Variants in EPHA3 observed in about 807,000 individuals in gnomAD.
The protein encoded by EPHA3 is EPH receptor A3, also known as ephrin type-A receptor 3.
EPHA3 carries 42 observed loss-of-function variants against 107.1 expected under a neutral mutation model. That is an observed-to-expected ratio of 0.39 (90% confidence interval 0.31 to 0.51). EPHA3 has a LOEUF of 0.51. Ranked by LOEUF, EPHA3 falls within the 20% of genes least tolerant of loss-of-function variation. The probability of loss-of-function intolerance (pLI) is 0.78; values close to 1 mark genes in which losing one functional copy is unlikely to be tolerated. For synonymous variants in EPHA3, 461 were observed against 424.8 expected (o/e 1.09, Z -1.05); for missense variants, 1,183 against 1,211.2 (o/e 0.98, Z 0.35).
chr3:89,324,748 T>G (rs1290985100), intron 3 of EPHA3, among the ~76,000 whole-genome samples: 2 of 152,130 alleles, frequency 1.3e-5, no homozygotes, highest in Non-Finnish European at 2.9e-5. Flanking sequence ...TGTTCAGGTT[T>G]GTTATATGGC....
At chr3:89,474,327 G>T (rs749826999) in intron 16 of EPHA3, among the ~76,000 whole-genome samples, 1 of 152,150 alleles carries the variant, frequency 6.6e-6, no homozygotes, top group Non-Finnish European at 1.5e-5. Context: ...GTGGAATGTG[G>T]TGTTTATTGA....
chr3:89,108,975 C>T (rs971369767), intron 1 of EPHA3, among the ~76,000 whole-genome samples: 2 of 152,044 alleles, frequency 1.3e-5, no homozygotes, highest in Non-Finnish European at 2.9e-5. Flanking sequence ...AATATATTGT[C>T]AAGCCAATAC....
At chr3:89,150,926 T>C (rs1704676608) in intron 2 of EPHA3, among the ~76,000 whole-genome samples, 1 of 151,968 alleles carries the variant, frequency 6.6e-6, no homozygotes, top group Non-Finnish European at 1.5e-5. Flanking sequence ...CAGTGAGCTA[T>C]GGATCATGCC....
chr3:89,324,627 C>T (rs1011392054), intron 3 of EPHA3, among the ~76,000 whole-genome samples: 9 of 151,944 alleles, frequency 5.9e-5, no homozygotes, highest in African/African-American at 2.2e-4. Context: ...TATACATACA[C>T]ACTGTGAAAT....
chr3:89,290,630 G>T (rs2107328408), intron 3 of EPHA3, among the ~76,000 whole-genome samples: 1 of 152,212 alleles, frequency 6.6e-6, no homozygotes, highest in African/African-American at 2.4e-5. Flanking sequence ...GTATCTTATT[G>T]CAAAGGAGGT....
chr3:89,337,372 C>A (rs1207407003), intron 3 of EPHA3, among the ~76,000 whole-genome samples: 3 of 152,138 alleles, frequency 2.0e-5, no homozygotes, highest in Non-Finnish European at 4.4e-5. Context: ...GCATGCTGTC[C>A]TTTCCATTGG....
intron 5 of EPHA3, among the ~76,000 whole-genome samples, chr3:89,383,378 A>G (rs550549611): frequency 1.3e-5 from 2 of 152,316 alleles, no homozygotes; most frequent in South Asian, 2.1e-4. Flanking sequence ...GGGTGGGCAA[A>G]TATCAATCCT....
At chr3:89,108,132 C>G (rs147556310) in intron 1 of EPHA3, among the ~76,000 whole-genome samples, 1 of 152,232 alleles carries the variant, frequency 6.6e-6, no homozygotes, top group East Asian at 1.9e-4. Context: ...AGCGTTGCAA[C>G]CCAGTTATGT....
chr3:89,191,669 T>C (rs1280448440), intron 2 of EPHA3, among the ~76,000 whole-genome samples: 2 of 152,326 alleles, frequency 1.3e-5, no homozygotes, highest in East Asian at 1.9e-4. Context: ...CTTATGTTTA[T>C]AGGTAATTGG....
intron 5 of EPHA3, among the ~76,000 whole-genome samples, chr3:89,394,561 G>A (rs1708810309): frequency 6.6e-6 from 1 of 152,164 alleles, no homozygotes; most frequent in African/African-American, 2.4e-5. Context: ...GTGGCACAAG[G>A]CAAGCATCAT....
chr3:89,281,744 AT>A (rs1351925738), intron 3 of EPHA3, among the ~76,000 whole-genome samples: 1 of 152,156 alleles, frequency 6.6e-6, no homozygotes, highest in African/African-American at 2.4e-5. Context: ...TACATTTTAC[AT>A]TTTGCCTTTC....
chr3:89,348,301 T>C (rs1340707240), intron 5 of EPHA3, among the ~76,000 whole-genome samples: 1 of 141,062 alleles, frequency 7.1e-6, no homozygotes. Flanking sequence ...GCTCCTGTTA[T>C]TGATCTATTC....
intron 3 of EPHA3, among the ~76,000 whole-genome samples, chr3:89,223,536 A>G (rs1308301510): frequency 6.6e-6 from 1 of 152,198 alleles, no homozygotes; most frequent in African/African-American, 2.4e-5. Context: ...CGTCAGCTCT[A>G]TTGGTAGACA....
chr3:89,199,362 C>A (rs1705915116), intron 2 of EPHA3, among the ~76,000 whole-genome samples: 2 of 152,056 alleles, frequency 1.3e-5, no homozygotes, highest in Admixed American at 1.3e-4. Context: ...AAAACCAAAC[C>A]TTTACAATGC....
At chr3:89,255,641 C>T (rs2107270445) in intron 3 of EPHA3, among the ~76,000 whole-genome samples, 1 of 152,058 alleles carries the variant, frequency 6.6e-6, no homozygotes, top group African/African-American at 2.4e-5. Context: ...TGGCTCATGC[C>T]TGTAATCCTA....
At chr3:89,318,405 G>A (rs9811041) in intron 3 of EPHA3, among the ~76,000 whole-genome samples, 66,509 of 151,504 alleles carry the variant, frequency 0.44, 14,844 homozygotes, top group African/African-American at 0.49. Context: ...GTGGGGCATG[G>A]GGGTATGATG....
intron 3 of EPHA3, among the ~76,000 whole-genome samples, chr3:89,253,496 C>T (rs1705209996): frequency 6.6e-6 from 1 of 152,114 alleles, no homozygotes; most frequent in African/African-American, 2.4e-5. Flanking sequence ...TTCCCTGAGC[C>T]TCTATTAAGA....
chr3:89,193,844 G>A (rs1705775750), intron 2 of EPHA3, among the ~76,000 whole-genome samples: 1 of 151,958 alleles, frequency 6.6e-6, no homozygotes, highest in Non-Finnish European at 1.5e-5. Flanking sequence ...CTATGAACAT[G>A]TTATATGAAT....
intron 5 of EPHA3, among the ~76,000 whole-genome samples, chr3:89,364,310 A>G (rs1479511195): frequency 6.6e-6 from 1 of 150,992 alleles, no homozygotes; most frequent in Non-Finnish European, 1.5e-5. Context: ...AATATCATTC[A>G]GAGGCCTTTC....
Sources: allele counts gnomAD v4.1 joint callset (sites outside exome capture counted in the v4.1 genomes callset), GRCh38; gene constraint gnomAD v4.1.1; transcripts MANE v1.5; gene names NCBI Gene and HGNC (gene_info 2026-07-23, HGNC 2026-07-21).